Variants in ARPC2 observed in about 807,000 individuals in gnomAD.
ARPC2 encodes the protein actin-related protein 2/3 complex subunit 2.
Under a neutral mutation model 38.6 loss-of-function variants are expected in ARPC2, and 4 were observed. The observed-to-expected ratio is 0.10, with a 90% CI of 0.05 to 0.24. ARPC2 has a LOEUF of 0.24. Among genes scored for constraint, ARPC2 ranks in the 10% least tolerant of loss-of-function variants. The pLI is 1.00. For missense variants in ARPC2, 229 were observed against 387.3 expected, an observed-to-expected ratio of 0.59 and a Z score of 3.43; for synonymous variants, 125 against 140.8, an observed-to-expected ratio of 0.89 and a Z score of 0.79.
chr2:218,250,003 T>A, intron 10 of ARPC2, 82 bp downstream of exon 10: 1 of 1,219,080 alleles, frequency 8.2e-7, no homozygotes, highest in Admixed American at 2.2e-5. Context: ...GGCCTGGTCC[T>A]CCATGTATCT....
At chr2:218,222,697 GAGA>G (rs1301851019) in intron 2 of ARPC2, among the ~76,000 whole-genome samples, 3 of 152,126 alleles carry the variant, frequency 2.0e-5, no homozygotes, top group Non-Finnish European at 1.5e-5. Context: ...CTCCACCTAG[GAGA>G]AGAACTAATT....
At chr2:218,243,101 T>C (rs1412266739) in intron 7 of ARPC2, among the ~76,000 whole-genome samples, 2 of 152,234 alleles carry the variant, frequency 1.3e-5, no homozygotes, top group Non-Finnish European at 2.9e-5. Flanking sequence ...TTATACATGA[T>C]TTTTTCTTAT....
chr2:218,221,417 G>A (rs1423881676), intron 2 of ARPC2, among the ~76,000 whole-genome samples: 8 of 152,230 alleles, frequency 5.3e-5, no homozygotes, highest in African/African-American at 1.9e-4. Context: ...CATTGTTTAA[G>A]CATTTAGAAG....
intron 8 of ARPC2, among the ~76,000 whole-genome samples, chr2:218,245,898 G>T (rs372434826): frequency 1.8e-4 from 27 of 152,174 alleles, no homozygotes; most frequent in African/African-American, 6.3e-4. Context: ...TAGGTTGCTG[G>T]TTCGATTCCA....
At chr2:218,247,655 G>A (rs975905233) in intron 8 of ARPC2, among the ~76,000 whole-genome samples, 3 of 151,956 alleles carry the variant, frequency 2.0e-5, no homozygotes, top group African/African-American at 7.3e-5. Context: ...GTAGAAACAG[G>A]GTTTCCAGCT....
intron 8 of ARPC2, among the ~76,000 whole-genome samples, chr2:218,246,859 TC>T (rs1417632562): frequency 6.6e-6 from 1 of 152,096 alleles, no homozygotes; most frequent in Non-Finnish European, 1.5e-5. Context: ...TAGTCTATAG[TC>T]CCAGCTACTC....
intron 7 of ARPC2, among the ~76,000 whole-genome samples, chr2:218,240,396 C>G (rs750569484): frequency 3.9e-5 from 6 of 152,170 alleles, no homozygotes; most frequent in Admixed American, 1.3e-4. Context: ...GTTTCCTAAC[C>G]CTAACCTCTT....
chr2:218,227,615 G>A (rs955611183), intron 3 of ARPC2, among the ~76,000 whole-genome samples: 1 of 150,108 alleles, frequency 6.7e-6, no homozygotes, highest in African/African-American at 2.5e-5. Flanking sequence ...TTTCCAGACA[G>A]CGTCTTGCTC....
intron 2 of ARPC2, among the ~76,000 whole-genome samples, chr2:218,222,982 T>A (rs1689418720): frequency 6.6e-6 from 1 of 152,168 alleles, no homozygotes; most frequent in Non-Finnish European, 1.5e-5. Flanking sequence ...GTCTAGCCTC[T>A]CAGAGATCCT....
intron 8 of ARPC2, among the ~76,000 whole-genome samples, chr2:218,247,088 A>G (rs933844464): frequency 5.9e-4 from 89 of 152,028 alleles, no homozygotes; most frequent in Non-Finnish European, 4.6e-4. Flanking sequence ...TGGCACCACT[A>G]CACTCCAGCC....
chr2:218,234,345 T>A lies in ARPC2; in HGVS notation c.223-7T>A, dbSNP rs971804935. On this transcript the variant is annotated splice_region_variant and splice_polypyrimidine_tract_variant and intron_variant, in intron 4 of 10. Coordinates refer to ENST00000315717, the MANE Select transcript of ARPC2 (RefSeq NM_152862.3). The stretch of plus-strand genomic sequence containing the variant: ...GTATTTGGTTTTGTTTTGTTTTTAT[T>A]TTCTAGTTATTAAAGAGGGTGTACG... The A allele has an allele frequency of 4.4e-6, 7 of 1,595,890 alleles. No homozygotes were observed. The African/African-American group carries it at 6.7e-5, about 15-fold the overall frequency.
At chr2:218,226,607 C>T (rs1478893643) in intron 3 of ARPC2, among the ~76,000 whole-genome samples, 14 of 111,562 alleles carry the variant, frequency 1.3e-4, no homozygotes, top group African/African-American at 4.4e-4. Flanking sequence ...CCAGCCTGGG[C>T]GACAGTGAGA....
At chr2:218,235,385 G>A (rs1164503575) in intron 5 of ARPC2, 4 of 153,060 alleles carry the variant, frequency 2.6e-5, no homozygotes, top group Non-Finnish European at 5.8e-5. Flanking sequence ...ACTGTCTGCT[G>A]CCCATACTGC....
chr2:218,228,462 T>C (rs1472945210), intron 3 of ARPC2, among the ~76,000 whole-genome samples: 1 of 152,132 alleles, frequency 6.6e-6, no homozygotes, highest in Non-Finnish European at 1.5e-5. Flanking sequence ...TACTGTTCGT[T>C]CTGCTTATAT....
chr2:218,247,908 A>C (rs1303371776), intron 8 of ARPC2, among the ~76,000 whole-genome samples: 1 of 151,252 alleles, frequency 6.6e-6, no homozygotes, highest in South Asian at 2.1e-4. Context: ...ACGCGACTGC[A>C]CTCCAGCCTG....
chr2:218,250,176 G>A (rs375348259), intron 10 of ARPC2, among the ~76,000 whole-genome samples: 20 of 152,348 alleles, frequency 1.3e-4, no homozygotes, highest in African/African-American at 4.8e-4. Context: ...CCAAGAGACT[G>A]TTCTTTTTGG....
chr2:218,238,664 G>A lies in ARPC2; in HGVS notation c.269G>A (p.Gly90Glu). Residue 90 changes from glycine to glutamate, a missense_variant and splice_region_variant, in exon 6 of 11, where the codon GGA (glycine) becomes GAA (glutamate). Physicochemically the swap from Gly to Glu is moderately conservative, Grantham distance 98. Coordinates refer to ENST00000315717, the MANE Select transcript of ARPC2 (RefSeq NM_152862.3). ...TTTCTTGTTTTTTCTTTCCCTCCAG[G>A]ATACAATGTCTCTTTGCTATATGAC... ...YGSFLVNPES[G>E]YNVSLLYDLE... 6.3e-7 allele frequency: 1 copy of A among 1,576,752 alleles called. No homozygotes were observed. The highest frequency in any genetic ancestry group is 1.7e-5 in the Admixed American group (1 of 57,276).
chr2:218,252,147 C>T (rs1043545936), intron 10 of ARPC2, among the ~76,000 whole-genome samples: 6 of 152,016 alleles, frequency 3.9e-5, no homozygotes, highest in East Asian at 1.9e-4. Context: ...CAGTTGAACC[C>T]GGGAGGCAGA....
intron 8 of ARPC2, among the ~76,000 whole-genome samples, chr2:218,246,865 C>G (rs1243962028): frequency 6.6e-6 from 1 of 152,144 alleles, no homozygotes; most frequent in Non-Finnish European, 1.5e-5. Flanking sequence ...ATAGTCCCAG[C>G]TACTCGGGCA....
Sources: gnomAD v4.1 joint callset for allele counts (sites outside exome capture counted in the v4.1 genomes callset) on GRCh38, gnomAD v4.1.1 for gene constraint, MANE v1.5 for transcripts, NCBI Gene and HGNC (gene_info 2026-07-23, HGNC 2026-07-21) for gene names.